MBOAT7: variants seen among roughly 807,000 people sequenced by gnomAD.
The protein encoded by MBOAT7 is membrane bound acylglycerophosphatidylinositol O-acyltransferase MBOAT7.
A neutral mutation model predicts 47.4 loss-of-function variants in MBOAT7; 40 were observed. The ratio of observed to expected loss-of-function variants is 0.84; its 90% CI spans 0.66 to 1.10. The LOEUF is 1.10. Among genes scored for constraint, MBOAT7 ranks in the 50% least tolerant of loss-of-function variants. The pLI, the probability that MBOAT7 is intolerant of heterozygous loss-of-function variation, is 0.00. For missense variants in MBOAT7, 680 were observed against 655.6 expected, an observed-to-expected ratio of 1.04 and a Z score of -0.41; for synonymous variants, 361 against 292.0, an observed-to-expected ratio of 1.24 and a Z score of -2.41.
At chr19:54,185,563 C>T (rs1392144198) in intron 4 of MBOAT7, among the ~76,000 whole-genome samples, 1 of 152,196 alleles carries the variant, frequency 6.6e-6, no homozygotes, top group Non-Finnish European at 1.5e-5. Context: ...AGCCAGCCAA[C>T]GGCCTGTATC....
intron 1 of MBOAT7, among the ~76,000 whole-genome samples, 170 bp from the exon 2 acceptor site, chr19:54,188,681 C>T (rs2076532984): frequency 6.6e-6 from 1 of 152,142 alleles, no homozygotes; most frequent in Admixed American, 6.5e-5. Flanking sequence ...ACTCCAGCCC[C>T]TTCCTCCTTG....
At chr19:54,186,732 A>T (rs2076437553) in intron 4 of MBOAT7, among the ~76,000 whole-genome samples, 2 of 152,118 alleles carry the variant, frequency 1.3e-5, no homozygotes, top group South Asian at 4.1e-4. Flanking sequence ...GGGCCCTAGG[A>T]TTCTGTTTTT....
intron 5 of MBOAT7, 59 bp from the exon 6 acceptor site, chr19:54,181,192 G>T (rs944385075): frequency 7.6e-5 from 109 of 1,440,474 alleles, no homozygotes; most frequent in Non-Finnish European, 9.0e-5. Context: ...GCTCAAGTCT[G>T]CAGGAGGAGG....
At chr19:54,175,691 A>G (rs997848582) in intron 7 of MBOAT7, among the ~76,000 whole-genome samples, 12 of 152,314 alleles carry the variant, frequency 7.9e-5, no homozygotes, top group African/African-American at 2.6e-4. Context: ...CTGGGATTAC[A>G]GGCAAGCGCC....
chr19:54,184,568 A>G (rs900866824), intron 4 of MBOAT7, among the ~76,000 whole-genome samples: 4 of 151,390 alleles, frequency 2.6e-5, no homozygotes, highest in African/African-American at 9.7e-5. Context: ...GTCACCCTTG[A>G]TAGATCATTT....
At position 54,174,015 on chromosome 19, in the gene MBOAT7, C is replaced by T. The variant is rs958096059; in HGVS notation, c.*29G>A. 6.5e-7 allele frequency: 1 copy of T among 1,540,856 alleles called. No homozygotes were observed. Among genetic ancestry groups the T allele is most frequent in the Non-Finnish European group, 8.7e-7 (1 of 1,148,408 alleles). ...AGCCTGGTTCACAGAATTCCCGGGACCAGCTGGCAGAGGGAGCGTCGTGAC... is the reference window on the plus strand; with the variant it reads ...AGCCTGGTTCACAGAATTCCCGGGATCAGCTGGCAGAGGGAGCGTCGTGAC... On this transcript the variant is annotated 3_prime_UTR_variant, in exon 8 of 8. Coordinates refer to ENST00000245615, the MANE Select transcript of MBOAT7 (RefSeq NM_024298.5).
intron 7 of MBOAT7, among the ~76,000 whole-genome samples, chr19:54,176,248 C>G (rs1419654448): frequency 6.6e-6 from 1 of 152,134 alleles, no homozygotes. Context: ...CTTGGCCTCC[C>G]AAAATACTGG....
intron 7 of MBOAT7, 166 bp downstream of exon 7, chr19:54,178,599 C>G (rs916634861): frequency 7.0e-7 from 1 of 1,431,074 alleles, no homozygotes; most frequent in South Asian, 1.5e-5. Flanking sequence ...TTTACACCGG[C>G]ATGCTGCCAC....
intron 4 of MBOAT7, among the ~76,000 whole-genome samples, chr19:54,185,081 G>C (rs1001820432): frequency 6.6e-6 from 1 of 151,262 alleles, no homozygotes; most frequent in African/African-American, 2.4e-5. Flanking sequence ...GTGGTGGTGG[G>C]CGCCTGTAGT....
chr19:54,188,304 C>T lies in MBOAT7; in HGVS notation c.119G>A (p.Gly40Glu), dbSNP rs948228174. ...KRWGAAAVGLGLTLFTCGPHT... is the reference protein window; with the variant it reads ...KRWGAAAVGLELTLFTCGPHT... ...GGGGCCACAGGTGAACAGGGTGAGC[C>T]CCAGGCCCACAGCGGCTGCTCCCCA... Residue 40 changes from glycine to glutamate, a missense_variant, in exon 3 of 8, where the codon GGG becomes GAG. Physicochemically the swap from Gly to Glu is moderately conservative, Grantham distance 98 (BLOSUM62 -2). Coordinates refer to ENST00000245615, the MANE Select transcript of MBOAT7 (RefSeq NM_024298.5). The T allele has an allele frequency of 1.2e-6, 2 of 1,613,940 alleles. No individual in the cohort carries two copies. Among genetic ancestry groups the T allele is most frequent in the Non-Finnish European group, 1.7e-6 (2 of 1,180,004 alleles).
rs1246424380 is a variant in MBOAT7, at chr19:54,174,403, A to G, written c.1060T>C (p.Tyr354His). Residue 354 changes from tyrosine to histidine, a missense_variant, in exon 8 of 8, where the codon TAC (tyrosine) becomes CAC (histidine). Transcript: ENST00000245615. ...RSAWTMLLSAYWHGLHPGYYL... is the reference protein window; with the variant it reads ...RSAWTMLLSAHWHGLHPGYYL... ...TAGCCCGGGTGGAGGCCGTGCCAGT[A>G]GGCGCTCAGCAGCATGGTCCAGGCG... The G allele has an allele frequency of 2.5e-6, 4 of 1,596,666 alleles. No individual in the cohort carries two copies. In the African/African-American group the frequency reaches 5.4e-5, roughly 21 times the overall value.
chr19:54,177,485 C>T lies in MBOAT7; in HGVS notation c.1031+1280G>A, dbSNP rs562547775. On this transcript the variant is annotated intron_variant, in intron 7 of 7. Transcript: ENST00000245615. ...TAATTTTTTGTATTTTTAGTAGAGA[C>T]AGGGTTTCACCGTGTTAGCCAGGAT... Among the ~76,000 whole-genome samples the T allele has an allele frequency of 1.6e-4, 25 of 151,848 alleles. No individual in the cohort carries two copies. In the South Asian group the frequency reaches 5.0e-3, roughly 30 times the overall value.
chr19:54,183,435 G>T, intron 5 of MBOAT7, 86 bp downstream of exon 5: 2 of 1,486,892 alleles, frequency 1.3e-6, no homozygotes, highest in Non-Finnish European at 1.8e-6. Context: ...GTTGCCCTGG[G>T]CAGGGCGGGA....
chr19:54,186,941 T>G (rs1358929902), intron 4 of MBOAT7: 2 of 589,346 alleles, frequency 3.4e-6, no homozygotes, highest in East Asian at 5.7e-5. Context: ...TGTTACCCTA[T>G]GTGGGTTATT....
intron 7 of MBOAT7, among the ~76,000 whole-genome samples, chr19:54,177,104 G>A (rs1419478222): frequency 6.6e-6 from 1 of 151,054 alleles, no homozygotes; most frequent in Non-Finnish European, 1.5e-5. Flanking sequence ...AGGTTGCAGT[G>A]AGCTGAGATC....
rs778632562 is a variant in MBOAT7 at position 54,187,147 on chromosome 19, GC to G, written c.333+13del. The G allele has an allele frequency of 3.2e-6, 5 of 1,549,742 alleles. No homozygotes were observed. The African/African-American group carries it at 6.8e-5, about 21-fold the overall frequency. ...CAGGGAGGCTGGAGGGGAGTGGCAAGCCCCGAGTCTGACCTTCAGCGTCAGC... is the reference window on the plus strand; with the variant it reads ...CAGGGAGGCTGGAGGGGAGTGGCAAGCCCGAGTCTGACCTTCAGCGTCAGC... On this transcript the variant is annotated intron_variant, in intron 4 of 7. Transcript: ENST00000245615.
In MBOAT7 at chr19:54,183,642, C is replaced by T. The variant is rs1407146216; in HGVS notation, c.372G>A (p.Leu124=). 1 of 1,599,682 alleles carries T rather than the reference C, an allele frequency of 6.3e-7. No individual in the cohort carries two copies. The highest frequency in any genetic ancestry group is 8.5e-7 in the Non-Finnish European group (1 of 1,173,722). The change falls in exon 5 of 8, where the codon CTG becomes CTA. Residue 124 remains leucine, a synonymous_variant. Coordinates refer to ENST00000245615, the MANE Select transcript of MBOAT7 (RefSeq NM_024298.5). ...CTGAGGCCATTTCCTTCCTCTGGGC[C>T]AGATGCAGGTCCTGGACTTCACTGG... ...SLASEVQDLH[L]AQRKEMASGF...
chr19:54,182,500 G>GTTT (rs1555837607), intron 5 of MBOAT7, among the ~76,000 whole-genome samples: 4 of 66,086 alleles, frequency 6.1e-5, no homozygotes, highest in African/African-American at 2.3e-4. Flanking sequence ...TATGTTTTGT[G>GTTT]TTTTGTTTTT....
intron 3 of MBOAT7, among the ~76,000 whole-genome samples, chr19:54,187,970 G>A (rs1437874861): frequency 2.7e-5 from 4 of 149,910 alleles, no homozygotes; most frequent in Non-Finnish European, 1.5e-5. Context: ...AGCCAAGATC[G>A]TGCCACTGAA....
Sources: gnomAD v4.1 joint callset for allele counts (sites outside exome capture counted in the v4.1 genomes callset) on GRCh38, gnomAD v4.1.1 for gene constraint, MANE v1.5 for transcripts, NCBI Gene and HGNC (gene_info 2026-07-23, HGNC 2026-07-21) for gene names.